The following NRAP variants were observed in gnomAD, a reference collection of about 807,000 sequenced individuals.
The protein encoded by NRAP is nebulin related anchoring protein.
A neutral mutation model predicts 225.9 loss-of-function variants in NRAP; 189 were observed. The observed-to-expected ratio is 0.84, with a 90% confidence interval of 0.74 to 0.94. The LOEUF (loss-of-function observed/expected upper bound fraction) is 0.94, where lower values mean the gene tolerates loss of function less well. Among genes scored for constraint, NRAP ranks in the 40% least tolerant of loss-of-function variants. The pLI is 0.00. For synonymous variants in NRAP, 769 were observed against 790.7 expected (o/e 0.97, Z 0.46); for missense variants, 2,176 against 2,168.7 (o/e 1.00, Z -0.07).
At position 113,653,010 on chromosome 10, in the gene NRAP, C is replaced by T. The variant is rs377574319; in HGVS notation, c.495G>A (p.Arg165=). Residue 165 remains arginine (R), a synonymous_variant, in exon 6 of 42, where the codon AGG becomes AGA. Transcript: ENST00000359988. ...TCATGGCTGGAAAGCTCCCCTTGCC[C>T]CTGGGTTGCTCATAGTCTTCTGTAT... ...EEYTEDYEQP[R]GKGSFPAMIT... is the part of the protein sequence containing the mutation. The T allele has an allele frequency of 3.3e-5, 53 of 1,612,256 alleles. No individual in the cohort carries two copies. Among genetic ancestry groups the T allele is most frequent in the Non-Finnish European group, 4.3e-5 (51 of 1,179,424 alleles).
At chr10:113,648,467 C>CTATATATATATATATA (rs1554867329) in intron 9 of NRAP, among the ~76,000 whole-genome samples, 7 of 87,356 alleles carry the variant, frequency 8.0e-5, no homozygotes, top group Non-Finnish European at 1.1e-4. Context: ...CTCTCTCTCT[C>CTATATATATATATATA]TATATATATA....
chr10:113,621,583 C>A (rs1113394), intron 24 of NRAP, among the ~76,000 whole-genome samples: 21,904 of 152,184 alleles, frequency 0.14, 2,133 homozygotes, highest in Admixed American at 0.29. Flanking sequence ...AAAGATACCT[C>A]CCCCCTGGCA....
At chr10:113,627,172 T>A (rs3127090) in intron 20 of NRAP, among the ~76,000 whole-genome samples, 43,999 of 152,108 alleles carry the variant, frequency 0.29, 6,585 homozygotes, top group Admixed American at 0.36. Flanking sequence ...TTCCAAACAG[T>A]CTTCTAATTT....
At chr10:113,649,356 G>A (rs2134151384) in intron 9 of NRAP, among the ~76,000 whole-genome samples, 1 of 152,230 alleles carries the variant, frequency 6.6e-6, no homozygotes, top group East Asian at 1.9e-4. Flanking sequence ...TAAACCCATG[G>A]AATGTATTCT....
intron 29 of NRAP, among the ~76,000 whole-genome samples, chr10:113,612,894 C>T (rs532987343): frequency 1.3e-4 from 20 of 152,232 alleles, no homozygotes; most frequent in African/African-American, 3.4e-4. Flanking sequence ...TCCTAGCCAA[C>T]GTGGGAGCCA....
chr10:113,631,705 A>T, intron 17 of NRAP, 95 bp from the exon 18 acceptor site: 1 of 927,856 alleles, frequency 1.1e-6, no homozygotes. Flanking sequence ...ACAATTCTGA[A>T]AAAACACCTC....
Position 113,617,561 on chromosome 10 carries a change from G to A in NRAP, c.2875-8C>T. On this transcript the variant is annotated splice_polypyrimidine_tract_variant and splice_region_variant and intron_variant, in intron 25 of 41. Transcript: ENST00000359988. ...ATGCTGACGGTACTTCTTCTGTTGA[G>A]CAGAAAAAGATCAAAGCTGTGAATT... 1 of 1,544,122 alleles carries A rather than the reference G, an allele frequency of 6.5e-7. No individual in the cohort carries two copies. Among genetic ancestry groups the A allele is most frequent in the Non-Finnish European group, 9.0e-7 (1 of 1,116,010 alleles).
intron 31 of NRAP, among the ~76,000 whole-genome samples, chr10:113,609,481 C>T (rs1332966153): frequency 1.3e-5 from 2 of 152,180 alleles, no homozygotes; most frequent in African/African-American, 4.8e-5. Flanking sequence ...CTGCATCTAC[C>T]ATGAATTAAA....
chr10:113,599,138 G>A (rs188251710), intron 35 of NRAP, among the ~76,000 whole-genome samples: 114 of 152,284 alleles, frequency 7.5e-4, no homozygotes, highest in Middle Eastern at 3.4e-3. Flanking sequence ...CTGCTGTAAC[G>A]CAAAATATCA....
At chr10:113,615,115 C>T (rs1482003900) in intron 27 of NRAP, among the ~76,000 whole-genome samples, 169 bp from the exon 28 acceptor site, 1 of 151,886 alleles carries the variant, frequency 6.6e-6, no homozygotes, top group Non-Finnish European at 1.5e-5. Context: ...TGGATCCTGC[C>T]TCGTGCCCAC....
intron 35 of NRAP, among the ~76,000 whole-genome samples, chr10:113,598,594 C>T (rs559593737): frequency 6.6e-6 from 1 of 152,160 alleles, no homozygotes; most frequent in South Asian, 2.1e-4. Flanking sequence ...CATAAAAACA[C>T]CTGCTAGTAG....
At chr10:113,662,848 AT>A in intron 2 of NRAP, 82 bp from the exon 3 acceptor site, 1 of 628,560 alleles carries the variant, frequency 1.6e-6, no homozygotes, top group Non-Finnish European at 2.7e-6. Context: ...TTATTTTTAA[AT>A]AATAACAGTT....
At chr10:113,660,870 T>C (rs1256823085) in intron 3 of NRAP, among the ~76,000 whole-genome samples, 2 of 152,200 alleles carry the variant, frequency 1.3e-5, no homozygotes, top group African/African-American at 2.4e-5. Flanking sequence ...TAAACAGATC[T>C]GGATTTGTGC....
In NRAP at chr10:113,663,949, T is replaced by A; in HGVS notation, c.-67A>T. On this transcript the variant is annotated 5_prime_UTR_variant, in exon 1 of 42. Coordinates refer to ENST00000359988, the MANE Select transcript of NRAP (RefSeq NM_198060.4). Reference sequence around the variant, plus strand: ...AGAAATGCAAGGAGAACCCCCAGTCTAGTTCAAGTCTTCAAAATCCGACGA... The same window carrying A: ...AGAAATGCAAGGAGAACCCCCAGTCAAGTTCAAGTCTTCAAAATCCGACGA... 8.3e-7 allele frequency: 1 copy of A among 1,207,646 alleles called. No homozygotes were observed. The highest frequency in any genetic ancestry group is 1.2e-6 in the Non-Finnish European group (1 of 812,408). The allele number at this position is 1,207,646 out of a possible 1,614,324, so 74.8% of individuals were successfully genotyped here. A position where few individuals can be genotyped will look rare whatever the true frequency, so the allele number is the denominator to read the frequency against.
rs768935515 is a variant in NRAP at position 113,654,040 on chromosome 10, G to A, written c.446C>T (p.Ala149Val). 6.2e-7 allele frequency: 1 copy of A among 1,612,132 alleles called. No individual in the cohort carries two copies. The highest frequency in any genetic ancestry group is 8.5e-7 in the Non-Finnish European group (1 of 1,178,418). ...PDPEIVRMVE[A>V]RKSLGEEYTE... is the part of the protein sequence containing the mutation. ...GCTTACCTCACCAAGAGACTTTCGA[G>A]CCTCAACCATCCTTACAATTTCGGG... Residue 149 changes from alanine to valine, a missense_variant, in exon 5 of 42, where the codon GCT becomes GTT. Around this residue, in one of 3 missense-constraint regions of NRAP, gnomAD observed 1,708 missense variants for 1,695.5 expected, o/e 1.01. Transcript: ENST00000359988.
chr10:113,614,251 C>A lies in NRAP; in HGVS notation c.3232G>T (p.Gly1078Cys). 6.2e-7 allele frequency: 1 copy of A among 1,614,060 alleles called. No homozygotes were observed. The highest frequency in any genetic ancestry group is 8.5e-7 in the Non-Finnish European group (1 of 1,179,920). The part of the protein sequence containing the change: ...AFEKMKGQML[G>C]SRSLEDDISL... Reference sequence around the variant, plus strand: ...ATATCATCTTCCAAGCTCCGGGAACCAAGCATCTGTCCTTTCATTTTCTCA... The same window carrying A: ...ATATCATCTTCCAAGCTCCGGGAACAAAGCATCTGTCCTTTCATTTTCTCA... Residue 1078 changes from glycine to cysteine, a missense_variant, in exon 29 of 42, where the codon GGT becomes TGT. Physicochemically the swap from Gly to Cys is radical, Grantham distance 159 (BLOSUM62 -3). Transcript: ENST00000359988.
chr10:113,612,244 A>G lies in NRAP; in HGVS notation c.3488T>C (p.Leu1163Ser). 6.2e-7 allele frequency: 1 copy of G among 1,614,062 alleles called. No individual in the cohort carries two copies. The change falls in exon 30 of 42, where the codon TTG becomes TCG. Residue 1163 changes from leucine to serine, a missense_variant. By Grantham distance (145) the Leu-to-Ser change is moderately radical. Transcript: ENST00000359988. ...RLSCAKKAHK[L>S]QSENLYRSDL... ...GCCAGGTCTCCTTACCTCACTCTGCAATTTGTGAGCTTTCTTGGCACAGCT... is the reference window on the plus strand; with the variant it reads ...GCCAGGTCTCCTTACCTCACTCTGCGATTTGTGAGCTTTCTTGGCACAGCT...
chr10:113,595,287 C>G (rs1022097434), intron 38 of NRAP, among the ~76,000 whole-genome samples: 1 of 152,152 alleles, frequency 6.6e-6, no homozygotes, highest in African/African-American at 2.4e-5. Flanking sequence ...ACAAAAAGAG[C>G]AGGTGTCTAC....
chr10:113,650,479 C>T lies in NRAP; in HGVS notation c.742G>A (p.Ala248Thr), dbSNP rs368086208. The T allele has an allele frequency of 2.0e-5, 33 of 1,613,794 alleles. No homozygotes were observed. Among genetic ancestry groups the T allele is most frequent in the African/African-American group, 6.7e-5 (5 of 75,014 alleles). Residue 248 changes from alanine to threonine, a missense_variant, in exon 8 of 42, where the codon GCC becomes ACC. Around this residue, in one of 3 missense-constraint regions of NRAP, gnomAD observed 1,708 missense variants for 1,695.5 expected, o/e 1.01. Coordinates refer to ENST00000359988, the MANE Select transcript of NRAP (RefSeq NM_198060.4). Reference protein sequence around the residue: ...KGSFPAMITPAYQIAKRANEL... With the variant: ...KGSFPAMITPTYQIAKRANEL... Reference sequence around the variant, plus strand: ...TTGGCTCTTTTGGCTATCTGATAGGCGGGTGTGATCATCGCAGGGAAACTG... The same window carrying T: ...TTGGCTCTTTTGGCTATCTGATAGGTGGGTGTGATCATCGCAGGGAAACTG...
Sources: allele counts gnomAD v4.1 joint callset (sites outside exome capture counted in the v4.1 genomes callset), GRCh38; gene constraint gnomAD v4.1.1; regional missense constraint gnomAD v4.1.1; transcripts MANE v1.5; gene names NCBI Gene and HGNC (gene_info 2026-07-23, HGNC 2026-07-21).